The following COL24A1 variants were observed in gnomAD, a reference collection of about 807,000 sequenced individuals.
COL24A1 encodes collagen alpha-1(XXIV) chain.
COL24A1 carries 224 observed loss-of-function variants against 253.9 expected under a neutral mutation model. The ratio of observed to expected loss-of-function variants is 0.88; its 90% confidence interval spans 0.79 to 0.99. The LOEUF (loss-of-function observed/expected upper bound fraction) is 0.99. COL24A1 is among the 50% of genes least tolerant of loss of function. COL24A1 has a pLI of 0.00. For missense variants in COL24A1, 2,131 were observed against 2,068.5 expected (o/e 1.03, Z -0.59); for synonymous variants, 685 against 673.7 (o/e 1.02, Z -0.26).
chr1:85,830,388 C>T (rs928335759), intron 43 of COL24A1, among the ~76,000 whole-genome samples: 11 of 152,142 alleles, frequency 7.2e-5, no homozygotes, highest in South Asian at 2.1e-4. Flanking sequence ...TGTCTGTGCC[C>T]TGCCCCCAGA....
At chr1:85,843,727 A>G (rs748692014) in intron 39 of COL24A1, among the ~76,000 whole-genome samples, 1 of 152,112 alleles carries the variant, frequency 6.6e-6, no homozygotes, top group Non-Finnish European at 1.5e-5. Context: ...AGGTATTCCT[A>G]TTCTACTTGT....
intron 2 of COL24A1, among the ~76,000 whole-genome samples, chr1:86,141,902 C>T (rs1457011861): frequency 6.6e-6 from 1 of 151,964 alleles, no homozygotes; most frequent in African/African-American, 2.4e-5. Flanking sequence ...TGGGGTTTCA[C>T]CATTTTGGCC....
At chr1:85,767,439 AAAGGAGAAAAGGT>A (rs1667496398) in intron 53 of COL24A1, among the ~76,000 whole-genome samples, 1 of 152,178 alleles carries the variant, frequency 6.6e-6, no homozygotes, top group Non-Finnish European at 1.5e-5. Flanking sequence ...TCCATAAAAC[AAAGGAGAAAAGGT>A]TTAACGGCAC....
chr1:86,065,534 C>A (rs1701402413), intron 7 of COL24A1, among the ~76,000 whole-genome samples: 1 of 152,118 alleles, frequency 6.6e-6, no homozygotes, highest in African/African-American at 2.4e-5. Flanking sequence ...GAACTTACTC[C>A]TTCCCCACCT....
chr1:85,827,514 C>T (rs1193636989), intron 43 of COL24A1, among the ~76,000 whole-genome samples: 5 of 151,980 alleles, frequency 3.3e-5, no homozygotes, highest in Admixed American at 2.0e-4. Flanking sequence ...CCATTTCCTC[C>T]TTGTACCTCT....
chr1:85,989,823 A>G (rs1694075452), intron 19 of COL24A1, among the ~76,000 whole-genome samples: 2 of 152,154 alleles, frequency 1.3e-5, no homozygotes, highest in African/African-American at 2.4e-5. Context: ...CACCTAGAAC[A>G]CTTATGTTTT....
chr1:85,807,646 T>C (rs916317002), intron 47 of COL24A1, among the ~76,000 whole-genome samples: 4 of 152,184 alleles, frequency 2.6e-5, no homozygotes, highest in African/African-American at 9.7e-5. Flanking sequence ...GTGCTTGGGA[T>C]TCATGTACTC....
chr1:86,025,185 C>A (rs1009531457), intron 14 of COL24A1, among the ~76,000 whole-genome samples: 1 of 152,250 alleles, frequency 6.6e-6, no homozygotes, highest in South Asian at 2.1e-4. Context: ...ACCAAGGTAA[C>A]CTGAAAGTCC....
At chr1:85,914,748 T>C (rs1685728137) in intron 24 of COL24A1, among the ~76,000 whole-genome samples, 1 of 152,184 alleles carries the variant, frequency 6.6e-6, no homozygotes, top group Non-Finnish European at 1.5e-5. Flanking sequence ...TATCTAAGTA[T>C]GGTTAATTTT....
chr1:85,778,537 T>C (rs1231640083), intron 52 of COL24A1, among the ~76,000 whole-genome samples: 1 of 152,106 alleles, frequency 6.6e-6, no homozygotes, highest in Non-Finnish European at 1.5e-5. Context: ...TATTCAAATA[T>C]ACTTTCTGTT....
chr1:85,737,736 G>C (rs1002488424), intron 57 of COL24A1, among the ~76,000 whole-genome samples: 2 of 151,988 alleles, frequency 1.3e-5, no homozygotes, highest in African/African-American at 4.8e-5. Flanking sequence ...GCTAATTTTT[G>C]TATTTTCAGT....
intron 24 of COL24A1, among the ~76,000 whole-genome samples, chr1:85,921,140 C>T (rs535682162): frequency 6.6e-6 from 1 of 152,220 alleles, no homozygotes; most frequent in East Asian, 1.9e-4. Flanking sequence ...CATCGCCTCA[C>T]CTGGGAAGTG....
At chr1:85,904,558 CATTTT>C in intron 28 of COL24A1, among the ~76,000 whole-genome samples, 1 of 152,198 alleles carries the variant, frequency 6.6e-6, no homozygotes, top group African/African-American at 2.4e-5. Flanking sequence ...TAAACTATTT[CATTTT>C]ATTTAATTAT....
chr1:86,110,883 T>C (rs1160035280), intron 5 of COL24A1, among the ~76,000 whole-genome samples: 1 of 147,980 alleles, frequency 6.8e-6, no homozygotes, highest in Non-Finnish European at 1.5e-5. Flanking sequence ...CTCCACCTCC[T>C]TCTCCGTGGT....
chr1:85,987,340 T>C (rs984968464), intron 20 of COL24A1, among the ~76,000 whole-genome samples: 1 of 151,794 alleles, frequency 6.6e-6, no homozygotes, highest in Non-Finnish European at 1.5e-5. Context: ...CTATGACTTT[T>C]TAGAGTTTTT....
intron 2 of COL24A1, among the ~76,000 whole-genome samples, chr1:86,126,420 G>A (rs1648309775): frequency 6.6e-6 from 1 of 151,552 alleles, no homozygotes; most frequent in Non-Finnish European, 1.5e-5. Context: ...TAAAGTACAT[G>A]CCCCTCCCCC....
intron 53 of COL24A1, among the ~76,000 whole-genome samples, chr1:85,774,228 T>A (rs1668287413): frequency 6.6e-6 from 1 of 152,292 alleles, no homozygotes; most frequent in South Asian, 2.1e-4. Flanking sequence ...GGCGACTTGA[T>A]CGTGGTGGGT....
intron 55 of COL24A1, among the ~76,000 whole-genome samples, chr1:85,748,407 A>C (rs1049678737): frequency 1.2e-4 from 19 of 152,372 alleles, no homozygotes; most frequent in Admixed American, 5.2e-4. Flanking sequence ...AGATATTTAA[A>C]GAAGATAAGA....
At chr1:85,902,270 C>A (rs753360446) in intron 28 of COL24A1, among the ~76,000 whole-genome samples, 2 of 152,154 alleles carry the variant, frequency 1.3e-5, no homozygotes, top group Non-Finnish European at 2.9e-5. Flanking sequence ...TTCTCCATAC[C>A]AGTATGAGAA....
Sources: allele counts gnomAD v4.1 joint callset (sites outside exome capture counted in the v4.1 genomes callset), GRCh38; gene constraint gnomAD v4.1.1; transcripts MANE v1.5; gene names NCBI Gene and HGNC (gene_info 2026-07-23, HGNC 2026-07-21).